The following PKD1 variants were observed in gnomAD, a reference collection of about 807,000 sequenced individuals.
PKD1 encodes polycystin 1, transient receptor potential channel interacting.
PKD1 carries 81 observed loss-of-function variants against 361.7 expected under a neutral mutation model. The observed-to-expected ratio is 0.22, with a 90% CI of 0.19 to 0.27. The LOEUF is 0.27. Among genes scored for constraint, PKD1 ranks in the 10% least tolerant of loss-of-function variants. The pLI is 1.00. For missense variants in PKD1, 6,399 were observed against 6,118.3 expected, an observed-to-expected ratio of 1.05 and a Z score of -1.53; for synonymous variants, 3,615 against 2,818.3, an observed-to-expected ratio of 1.28 and a Z score of -8.95.
At chr16:2,093,236 C>T (rs551338228) in intron 37 of PKD1, 143 bp from the exon 38 acceptor site, 4 of 977,254 alleles carry the variant, frequency 4.1e-6, no homozygotes, top group East Asian at 2.5e-5. Context: ...CTCTACCTGG[C>T]CAGGGTAATG....
Position 2,110,805 on chromosome 16 carries a change from G to C in PKD1, c.4362C>G (p.Ala1454=). The part of the protein sequence containing the change: ...TVTASNNISA[A]NDSALVEVQE... Reference sequence around the variant, plus strand: ...GCACCTCCACCAGGGCTGAGTCATTGGCAGCAGAGATGTTGTTGGACGCGG... The same window carrying C: ...GCACCTCCACCAGGGCTGAGTCATTCGCAGCAGAGATGTTGTTGGACGCGG... Residue 1454 remains alanine (A), a synonymous_variant, in exon 15 of 46, where the codon GCC becomes GCG. Transcript: ENST00000262304. 6.2e-7 allele frequency: 1 copy of C among 1,611,488 alleles called. No individual in the cohort carries two copies. The highest frequency in any genetic ancestry group is 8.5e-7 in the Non-Finnish European group (1 of 1,179,824).
At chr16:2,107,252 G>A (rs755155124) in intron 16 of PKD1, 26 of 450,998 alleles carry the variant, frequency 5.8e-5, no homozygotes, top group Non-Finnish European at 9.5e-5. Context: ...GAGAAGAGAC[G>A]TATGTGTGGG....
intron 26 of PKD1, among the ~76,000 whole-genome samples, chr16:2,101,032 C>G (rs1448984210): frequency 6.6e-6 from 1 of 151,982 alleles, no homozygotes; most frequent in Admixed American, 6.6e-5. Flanking sequence ...GTCACCCAGG[C>G]TGGAGTGCAG....
rs750342882 is a variant in PKD1 at position 2,110,308 on chromosome 16, G to A, written c.4859C>T (p.Ala1620Val). The stretch of plus-strand genomic sequence containing the variant: ...GACATAGACGAAGATGCTGTCCTGG[G>A]CGGAGCCCACCTCGTTCTCAGCCGT... ...IVTAENEVGSAQDSIFVYVLQ... is the reference protein window; with the variant it reads ...IVTAENEVGSVQDSIFVYVLQ... Residue 1620 changes from alanine to valine, a missense_variant, in exon 15 of 46, where the codon GCC becomes GTC. Coordinates refer to ENST00000262304, the MANE Select transcript of PKD1 (RefSeq NM_001009944.3). 1.2e-6 allele frequency: 2 copies of A among 1,612,672 alleles called. No homozygotes were observed. Among genetic ancestry groups the A allele is most frequent in the Admixed American group, 1.7e-5 (1 of 60,018 alleles).
chr16:2,110,266 C>A lies in PKD1; in HGVS notation c.4901G>T (p.Gly1634Val), dbSNP rs768244952. The change falls in exon 15 of 46, where the codon GGG becomes GTG. Residue 1634 changes from glycine to valine, a missense_variant. By Grantham distance (109) the Gly-to-Val change is moderately radical. Transcript: ENST00000262304. Reference sequence around the variant, plus strand: ...GCGGCCACCGCCCACCACCTGCAGCCCCTCTATGAGCTGCAGGACATAGAC... The same window carrying A: ...GCGGCCACCGCCCACCACCTGCAGCACCTCTATGAGCTGCAGGACATAGAC... ...IFVYVLQLIE[G>V]LQVVGGGRYF... 2.5e-6 allele frequency: 4 copies of A among 1,611,664 alleles called. No individual in the cohort carries two copies. The highest frequency in any genetic ancestry group is 3.4e-6 in the Non-Finnish European group (4 of 1,179,104).
In PKD1 at chr16:2,118,149, G is replaced by T. The variant is rs760237424; in HGVS notation, c.843C>A (p.His281Gln). The T allele has an allele frequency of 1.3e-6, 2 of 1,587,030 alleles. No individual in the cohort carries two copies. Among genetic ancestry groups the T allele is most frequent in the Non-Finnish European group, 1.7e-6 (2 of 1,168,994 alleles). The change falls in exon 5 of 46, where the codon CAC becomes CAA. Residue 281 changes from histidine to glutamine, a missense_variant. Transcript: ENST00000262304. The surrounding 1 kb of genome is among the most constrained non-coding windows in gnomAD (Gnocchi z 6.0). ...CTAGCTGGCCAGAGGCCAGAGGTCC[G>T]TGGGGCCCCACCAGGGTGGCCCCTG... Reference protein sequence around the residue: ...ASPGATLVGPHGPLASGQLAA... With the variant: ...ASPGATLVGPQGPLASGQLAA...
Position 2,114,323 on chromosome 16 carries a change from C to T in PKD1, c.2700G>A (p.Pro900=), listed in dbSNP as rs35667726. ...CCACGTGCTCCCCCTCACTGAGCCA[C>T]GGCAGTGCTACCACTGAGAACAGGG... ...NDTLFSVVAL[P]WLSEGEHVVD... The change falls in exon 11 of 46, where the codon CCG becomes CCA. Residue 900 remains proline, a synonymous_variant. Transcript: ENST00000262304. 0.062 allele frequency: 99,952 copies of T among 1,610,282 alleles called. 3,501 individuals are homozygous for T. Among genetic ancestry groups the T allele is most frequent in the Non-Finnish European group, 0.068 (79,674 of 1,179,498 alleles).
chr16:2,105,975 T>C lies in PKD1; in HGVS notation c.7753A>G (p.Thr2585Ala), dbSNP rs1596539247. The change falls in exon 20 of 46, where the codon ACA (threonine) becomes GCA (alanine). Residue 2585 changes from threonine to alanine, a missense_variant. Thr to Ala is a moderately conservative substitution (Grantham distance 58). Coordinates refer to ENST00000262304, the MANE Select transcript of PKD1 (RefSeq NM_001009944.3). Reference protein sequence around the residue: ...PEPNGSATGLTVWLHGLTASV... With the variant: ...PEPNGSATGLAVWLHGLTASV... ...GCGGTGAGCCCGTGCAGCCAGACTG[T>C]GAGCCCCGTTGCGCTGCCGTTGGGC... The C allele has an allele frequency of 6.2e-7, 1 of 1,601,744 alleles. No individual in the cohort carries two copies. The highest frequency in any genetic ancestry group is 8.5e-7 in the Non-Finnish European group (1 of 1,179,610).
intron 26 of PKD1, among the ~76,000 whole-genome samples, chr16:2,101,360 G>C (rs2092089183): frequency 6.6e-6 from 1 of 152,134 alleles, no homozygotes; most frequent in Non-Finnish European, 1.5e-5. Flanking sequence ...TAAAAAATGG[G>C]AACACAGCCA....
rs775836879 is a variant in PKD1 at position 2,090,051 on chromosome 16, C to T, written c.12588G>A (p.Gly4196=). The T allele has an allele frequency of 2.5e-6, 4 of 1,611,354 alleles. No individual in the cohort carries two copies. Among genetic ancestry groups the T allele is most frequent in the South Asian group, 1.1e-5 (1 of 90,990 alleles). ...HPSTSSSQLD[G]LSVSLGRLGT... ...CCAGCCGGCCCAGGCTCACGCTCAG[C>T]CCATCCAGCTGGCTGGAGGAGGTGG... The change falls in exon 46 of 46, where the codon GGG becomes GGA. Residue 4196 remains glycine, a synonymous_variant. Transcript: ENST00000262304.
chr16:2,125,156 G>A (rs904616072), intron 1 of PKD1, among the ~76,000 whole-genome samples: 4 of 152,238 alleles, frequency 2.6e-5, no homozygotes, highest in East Asian at 1.9e-4. Flanking sequence ...TTCCAGGGCC[G>A]GAAATGATCC....
Position 2,088,803 on chromosome 16 carries a change from TAC to T in PKD1, c.*922_*923del. On this transcript the variant is annotated 3_prime_UTR_variant, in exon 46 of 46. Transcript: ENST00000262304. Reference sequence around the variant, plus strand: ...GAAGCGGCCATGCCCACAGAAGTGGTACACAGAAGCAGGCACAGCCAGCTCCG... The same window carrying T: ...GAAGCGGCCATGCCCACAGAAGTGGTACAGAAGCAGGCACAGCCAGCTCCG... The T allele has an allele frequency of 1.3e-6, 1 of 754,198 alleles. No homozygotes were observed. 46.7% of individuals were successfully genotyped at this position (754,198 alleles called of 1,614,324 possible). A position where few individuals can be genotyped will look rare whatever the true frequency, so the allele number is the denominator to read the frequency against.
chr16:2,091,071 C>G lies in PKD1; in HGVS notation c.11816G>C (p.Trp3939Ser). Residue 3939 changes from tryptophan to serine, a missense_variant, in exon 43 of 46, where the codon TGG becomes TCG. Coordinates refer to ENST00000262304, the MANE Select transcript of PKD1 (RefSeq NM_001009944.3). ...GGCCGCCGTCAGCGCCACCAGCAGC[C>G]ACCGCGCCCAGGCTCCGAGCCGCAG... is the stretch of plus-strand genomic sequence containing the variant. ...RVLRLGAWARWLLVALTAATA... is the reference protein window; with the variant it reads ...RVLRLGAWARSLLVALTAATA... 3 of 1,515,150 alleles carry G rather than the reference C, an allele frequency of 2.0e-6. No individual in the cohort carries two copies. In the South Asian group the frequency reaches 3.6e-5, roughly 18 times the overall value. 93.9% of individuals were successfully genotyped at this position (1,515,150 alleles called of 1,614,324 possible).
At position 2,103,883 on chromosome 16, in the gene PKD1, T is replaced by C; in HGVS notation, c.8174A>G (p.His2725Arg). The change falls in exon 23 of 46, where the codon CAC becomes CGC. Residue 2725 changes from histidine (H) to arginine (R), a missense_variant. By Grantham distance (29) the His-to-Arg change is conservative (BLOSUM62 0). Transcript: ENST00000262304. ...TGCCCGCACGTCCGAGCTGGCCAGG[T>C]GGATGAGGTCTCCTGCAGACATGCG... Reference protein sequence around the residue: ...SILNITGDLIHLASSDVRAPQ... With the variant: ...SILNITGDLIRLASSDVRAPQ... 1.9e-6 allele frequency: 3 copies of C among 1,570,376 alleles called. No individual in the cohort carries two copies. The South Asian group carries it at 3.4e-5, about 18-fold the overall frequency.
At chr16:2,093,160 C>A (rs1032176990) in intron 37 of PKD1, 67 bp from the exon 38 acceptor site, 1 of 1,580,980 alleles carries the variant, frequency 6.3e-7, no homozygotes, top group Non-Finnish European at 8.7e-7. Flanking sequence ...GCTTTGGCAA[C>A]GGCTGGAGCC....
At position 2,089,342 on chromosome 16, in the gene PKD1, C is replaced by CTT. The variant is rs2091336989; in HGVS notation, c.*383_*384dup. On this transcript the variant is annotated 3_prime_UTR_variant, in exon 46 of 46. Coordinates refer to ENST00000262304, the MANE Select transcript of PKD1 (RefSeq NM_001009944.3). Reference sequence around the variant, plus strand: ...ACGGTAGGAACTGGAGAGGTAATAACTTAGGGGCAGGGTGGCGGCGGTGCA... The same window carrying CTT: ...ACGGTAGGAACTGGAGAGGTAATAACTTTTAGGGGCAGGGTGGCGGCGGTGCA... 1 of 330,498 alleles carries CTT rather than the reference C, an allele frequency of 3.0e-6. No individual in the cohort carries two copies. Among genetic ancestry groups the CTT allele is most frequent in the Non-Finnish European group, 5.7e-6 (1 of 176,846 alleles). The allele number at this position is 330,498 out of a possible 1,614,324, so 20.5% of individuals were successfully genotyped here. A position where few individuals can be genotyped will look rare whatever the true frequency, so the allele number is the denominator to read the frequency against.
intron 9 of PKD1, 123 bp downstream of exon 9, chr16:2,115,869 C>T (rs1276768629): frequency 2.5e-6 from 3 of 1,176,958 alleles, no homozygotes; most frequent in African/African-American, 1.5e-5. Flanking sequence ...GGAACCCCTG[C>T]TCTGTCCACC....
At position 2,093,109 on chromosome 16, in the gene PKD1, G is replaced by A. The variant is rs1298928745; in HGVS notation, c.11017-16C>T. 4 of 1,611,926 alleles carry A rather than the reference G, an allele frequency of 2.5e-6. No homozygotes were observed. The highest frequency in any genetic ancestry group is 3.4e-6 in the Non-Finnish European group (4 of 1,179,818). ...CCAGGAGGCTCTGGTGGACGGGGGG[G>A]CCCTGTGGTCAGCCTGGCCCCAGCC... On this transcript the variant is annotated splice_polypyrimidine_tract_variant and intron_variant, in intron 37 of 45. Transcript: ENST00000262304.
chr16:2,103,071 A>C lies in PKD1; in HGVS notation c.8792-101T>G. On this transcript the variant is annotated intron_variant, in intron 23 of 45. Coordinates refer to ENST00000262304, the MANE Select transcript of PKD1 (RefSeq NM_001009944.3). Reference sequence around the variant, plus strand: ...AGCCCACCCTCTGCCACGGGCCTGAAAGGCCATAGGAGCCTCTGCACCAGA... The same window carrying C: ...AGCCCACCCTCTGCCACGGGCCTGACAGGCCATAGGAGCCTCTGCACCAGA... 8.6e-6 allele frequency: 12 copies of C among 1,395,662 alleles called. No individual in the cohort carries two copies. The South Asian group carries it at 1.3e-4, about 15-fold the overall frequency. The allele number at this position is 1,395,662 out of a possible 1,614,324, so 86.5% of individuals were successfully genotyped here. A position where few individuals can be genotyped will look rare whatever the true frequency, so the allele number is the denominator to read the frequency against.
Sources: gnomAD v4.1 joint callset for allele counts (sites outside exome capture counted in the v4.1 genomes callset) on GRCh38, gnomAD v4.1.1 for gene constraint, Gnocchi (gnomAD v3.1) non-coding constraint, MANE v1.5 for transcripts, NCBI Gene and HGNC (gene_info 2026-07-23, HGNC 2026-07-21) for gene names.